The following PLEKHA5 variants were observed in gnomAD, a reference collection of about 807,000 sequenced individuals.
PLEKHA5 encodes pleckstrin homology domain containing A5, also known as pleckstrin homology domain-containing family A member 5.
In PLEKHA5, 55 loss-of-function variants were observed where a neutral mutation model predicts 181.9. The observed-to-expected ratio is 0.30, with a 90% CI of 0.24 to 0.38. PLEKHA5 has a LOEUF of 0.38. Among genes scored for constraint, PLEKHA5 ranks in the 10% least tolerant of loss-of-function variants. The pLI is 1.00. For synonymous variants in PLEKHA5, 535 were observed against 529.4 expected, an observed-to-expected ratio of 1.01 and a Z score of -0.15; for missense variants, 1,432 against 1,549.5, an observed-to-expected ratio of 0.92 and a Z score of 1.27.
At chr12:19,365,596 C>T (rs146179905) in intron 29 of PLEKHA5, among the ~76,000 whole-genome samples, 8 of 152,176 alleles carry the variant, frequency 5.3e-5, no homozygotes, top group Non-Finnish European at 1.2e-4. Flanking sequence ...TCTAAAATGA[C>T]ATTATGAGGC....
At chr12:19,135,961 C>T (rs561736843) in intron 3 of PLEKHA5, among the ~76,000 whole-genome samples, 4 of 150,250 alleles carry the variant, frequency 2.7e-5, no homozygotes, top group Non-Finnish European at 4.4e-5. Context: ...CACACTGCAG[C>T]CTTGACCTCC....
At chr12:19,178,206 A>C (rs1351470382) in intron 3 of PLEKHA5, among the ~76,000 whole-genome samples, 2 of 152,294 alleles carry the variant, frequency 1.3e-5, no homozygotes, top group East Asian at 3.9e-4. Flanking sequence ...AAAACTGAGG[A>C]TGCATTCACT....
intron 3 of PLEKHA5, among the ~76,000 whole-genome samples, chr12:19,134,461 G>A (rs572655377): frequency 1.3e-5 from 2 of 151,902 alleles, no homozygotes; most frequent in South Asian, 4.2e-4. Flanking sequence ...GCATAGTGTT[G>A]CATATCACTC....
chr12:19,144,637 A>G (rs1227352048), intron 3 of PLEKHA5, among the ~76,000 whole-genome samples: 1 of 152,200 alleles, frequency 6.6e-6, no homozygotes, highest in Non-Finnish European at 1.5e-5. Flanking sequence ...TTCAGCCAGC[A>G]TTGCAACTCT....
chr12:19,146,316 T>C (rs2038905531), intron 3 of PLEKHA5, among the ~76,000 whole-genome samples: 1 of 152,252 alleles, frequency 6.6e-6, no homozygotes, highest in Non-Finnish European at 1.5e-5. Flanking sequence ...TCAATATTTA[T>C]TGCCCATTTG....
At chr12:19,224,175 AT>A (rs2059373744) in intron 3 of PLEKHA5, among the ~76,000 whole-genome samples, 2 of 152,186 alleles carry the variant, frequency 1.3e-5, no homozygotes, top group Non-Finnish European at 2.9e-5. Flanking sequence ...AAATTTTCTC[AT>A]TTTAATATTG....
intron 3 of PLEKHA5, among the ~76,000 whole-genome samples, chr12:19,249,349 A>G (rs1298730380): frequency 6.6e-6 from 1 of 152,226 alleles, no homozygotes; most frequent in Non-Finnish European, 1.5e-5. Context: ...AACCAAGCCA[A>G]CTACTAAGTA....
At chr12:19,166,144 T>C (rs1462224026) in intron 3 of PLEKHA5, among the ~76,000 whole-genome samples, 2 of 152,236 alleles carry the variant, frequency 1.3e-5, no homozygotes, top group Admixed American at 1.3e-4. Context: ...CATAATGTTC[T>C]TTTTTTCAAT....
intron 13 of PLEKHA5, 82 bp downstream of exon 13, chr12:19,287,638 T>G: frequency 1.2e-6 from 1 of 810,994 alleles, no homozygotes; most frequent in Non-Finnish European, 2.1e-6. Context: ...ATTTTTAAGT[T>G]TGAATTTTCA....
intron 31 of PLEKHA5, among the ~76,000 whole-genome samples, chr12:19,374,028 C>T (rs1190813402): frequency 6.6e-6 from 1 of 152,150 alleles, no homozygotes; most frequent in African/African-American, 2.4e-5. Flanking sequence ...GCAACTACCA[C>T]AAATAACTAA....
At chr12:19,264,315 G>C (rs2069571181) in intron 7 of PLEKHA5, among the ~76,000 whole-genome samples, 1 of 151,416 alleles carries the variant, frequency 6.6e-6, no homozygotes, top group Non-Finnish European at 1.5e-5. Context: ...AAATCACCCT[G>C]TGCTTTAGTG....
chr12:19,177,170 T>G (rs985948864), intron 3 of PLEKHA5, among the ~76,000 whole-genome samples: 1 of 152,144 alleles, frequency 6.6e-6, no homozygotes, highest in Admixed American at 6.5e-5. Flanking sequence ...AGGGCCCACA[T>G]ATTTATCTTT....
At chr12:19,373,196 A>G (rs66703594) in intron 31 of PLEKHA5, 17,288 of 152,000 alleles carry the variant, frequency 0.11, 1,043 homozygotes, top group Middle Eastern at 0.2. Context: ...CCTGGCCAAC[A>G]TGGTAAAACC....
chr12:19,330,276 A>G (rs965584666), intron 20 of PLEKHA5, among the ~76,000 whole-genome samples: 1 of 152,184 alleles, frequency 6.6e-6, no homozygotes, highest in Non-Finnish European at 1.5e-5. Context: ...ACAAATAGCT[A>G]AAACATAGAA....
At chr12:19,268,405 C>G (rs79654970) in intron 8 of PLEKHA5, among the ~76,000 whole-genome samples, 1 of 152,092 alleles carries the variant, frequency 6.6e-6, no homozygotes. Flanking sequence ...TAAAAGTGAC[C>G]ATACATGTTA....
chr12:19,333,963 A>G (rs1044024407), intron 20 of PLEKHA5, among the ~76,000 whole-genome samples: 4 of 152,126 alleles, frequency 2.6e-5, no homozygotes, highest in Non-Finnish European at 5.9e-5. Flanking sequence ...TATTGAAAGC[A>G]CTATTTTGTG....
chr12:19,258,355 A>G (rs2067408809), intron 6 of PLEKHA5, among the ~76,000 whole-genome samples: 1 of 152,070 alleles, frequency 6.6e-6, no homozygotes, highest in Non-Finnish European at 1.5e-5. Flanking sequence ...ATACGTACAG[A>G]TGATACAAAG....
At chr12:19,196,757 G>A (rs889214185) in intron 3 of PLEKHA5, among the ~76,000 whole-genome samples, 3 of 150,780 alleles carry the variant, frequency 2.0e-5, no homozygotes, top group Admixed American at 1.3e-4. Context: ...TCGTGTTGCT[G>A]CCAAAGCTGC....
intron 12 of PLEKHA5, among the ~76,000 whole-genome samples, chr12:19,285,970 G>A (rs1195614848): frequency 2.6e-5 from 4 of 152,192 alleles, no homozygotes; most frequent in South Asian, 2.1e-4. Context: ...ATATTCAGAC[G>A]TGGTATTTGA....
Sources: gnomAD v4.1 joint callset for allele counts (sites outside exome capture counted in the v4.1 genomes callset) on GRCh38, gnomAD v4.1.1 for gene constraint, MANE v1.5 for transcripts, NCBI Gene and HGNC (gene_info 2026-07-23, HGNC 2026-07-21) for gene names.